Variants in RIGI observed in about 807,000 individuals in gnomAD.
The protein encoded by RIGI is antiviral innate immune response receptor RIG-I.
chr9:32,492,674 T>C, the RIGI span: 5 of 970,244 alleles, frequency 5.2e-6, no homozygotes, highest in South Asian at 4.9e-5. Context: ...GTCATATCCA[T>C]GACAATTTTT....
the RIGI span, among the ~76,000 whole-genome samples, chr9:32,520,953 C>T: frequency 6.6e-6 from 1 of 151,818 alleles, no homozygotes; most frequent in Non-Finnish European, 1.5e-5. Context: ...GGAGACCAGC[C>T]TGGCCAACAT....
At chr9:32,504,473 T>A in the RIGI span, among the ~76,000 whole-genome samples, 1 of 151,072 alleles carries the variant, frequency 6.6e-6, no homozygotes, top group African/African-American at 2.4e-5. Flanking sequence ...AGTCCAGGAG[T>A]TCGAGACTAG....
At chr9:32,511,475 A>G in the RIGI span, among the ~76,000 whole-genome samples, 1 of 152,224 alleles carries the variant, frequency 6.6e-6, no homozygotes, top group Non-Finnish European at 1.5e-5. Context: ...CCTGCTCCTG[A>G]ATGACTACAG....
the RIGI span, chr9:32,492,448 T>C: frequency 1.9e-6 from 3 of 1,614,062 alleles, no homozygotes; most frequent in African/African-American, 4.0e-5. Flanking sequence ...AAAGCAAGTT[T>C]CAAAGTTTTG....
At chr9:32,465,504 T>G in the RIGI span, among the ~76,000 whole-genome samples, 1 of 152,238 alleles carries the variant, frequency 6.6e-6, no homozygotes, top group African/African-American at 2.4e-5. Flanking sequence ...ACGTATTTTA[T>G]GCCAGGCGCT....
the RIGI span, among the ~76,000 whole-genome samples, chr9:32,483,731 C>G: frequency 8.6e-5 from 13 of 151,992 alleles, no homozygotes; most frequent in African/African-American, 2.9e-4. Flanking sequence ...CCAGCTCACA[C>G]ACTCCTCCCC....
At chr9:32,483,625 C>T in the RIGI span, among the ~76,000 whole-genome samples, 2 of 152,114 alleles carry the variant, frequency 1.3e-5, no homozygotes, top group African/African-American at 2.4e-5. Flanking sequence ...CCATACTCTA[C>T]CCAGTGGTTA....
the RIGI span, among the ~76,000 whole-genome samples, chr9:32,499,512 A>G: frequency 6.6e-6 from 1 of 151,282 alleles, no homozygotes; most frequent in African/African-American, 2.4e-5. Context: ...CTGGAGTGCA[A>G]TGGCGCAATC....
chr9:32,505,544 T>C, the RIGI span, among the ~76,000 whole-genome samples: 22 of 152,234 alleles, frequency 1.4e-4, no homozygotes, highest in Admixed American at 1.4e-3. Context: ...TTCATAGTTT[T>C]CTTCATATCA....
chr9:32,487,308 CAGTT>C, the RIGI span, among the ~76,000 whole-genome samples: 1 of 152,092 alleles, frequency 6.6e-6, no homozygotes, highest in African/African-American at 2.4e-5. Context: ...GATGAGAGCT[CAGTT>C]AGAGAGGCTA....
At chr9:32,499,316 GTTTTTTTT>G in the RIGI span, among the ~76,000 whole-genome samples, 3 of 57,652 alleles carry the variant, frequency 5.2e-5, no homozygotes, top group South Asian at 7.2e-4. Flanking sequence ...TTTGTGATTT[GTTTTTTTT>G]TTTTTTTTTT....
At chr9:32,520,839 GGCTCAGGCCGGGGC>G in the RIGI span, among the ~76,000 whole-genome samples, 1 of 32,966 alleles carries the variant, frequency 3.0e-5, no homozygotes, top group Non-Finnish European at 1.0e-4. Flanking sequence ...TGGGCGTGGT[GGCTCAGGCCGGGGC>G]TGGTGACTCA....
the RIGI span, chr9:32,457,502 A>C: frequency 1.8e-6 from 2 of 1,138,576 alleles, no homozygotes; most frequent in Non-Finnish European, 2.4e-6. Flanking sequence ...AAAAAAGAAA[A>C]CCCCACAATA....
At chr9:32,490,890 A>T in the RIGI span, among the ~76,000 whole-genome samples, 1 of 152,178 alleles carries the variant, frequency 6.6e-6, no homozygotes, top group Non-Finnish European at 1.5e-5. Context: ...GTAGCACACT[A>T]ACTTCATCAA....
At chr9:32,495,632 G>A in the RIGI span, among the ~76,000 whole-genome samples, 1 of 150,406 alleles carries the variant, frequency 6.6e-6, no homozygotes, top group African/African-American at 2.4e-5. Flanking sequence ...TATCATATTT[G>A]GATAAATGTC....
the RIGI span, among the ~76,000 whole-genome samples, chr9:32,470,823 A>G: frequency 2.0e-5 from 3 of 152,272 alleles, no homozygotes; most frequent in Non-Finnish European, 4.4e-5. Flanking sequence ...GGATCAGACC[A>G]GAAACAAATT....
chr9:32,519,825 G>GT, the RIGI span, among the ~76,000 whole-genome samples: 3 of 151,880 alleles, frequency 2.0e-5, no homozygotes, highest in Non-Finnish European at 4.4e-5. Context: ...ACTTTCTAGT[G>GT]TTTTTTTTAT....
At chr9:32,465,216 A>G in the RIGI span, among the ~76,000 whole-genome samples, 1 of 152,214 alleles carries the variant, frequency 6.6e-6, no homozygotes, top group South Asian at 2.1e-4. Flanking sequence ...TTCTCACTGA[A>G]AATGTGGAAG....
the RIGI span, chr9:32,456,491 A>G: frequency 6.6e-5 from 10 of 152,188 alleles, no homozygotes; most frequent in African/African-American, 2.2e-4. Context: ...ATGTATGTAT[A>G]TTAGTTACAT....
Sources: gnomAD v4.1 joint callset for allele counts (sites outside exome capture counted in the v4.1 genomes callset) on GRCh38, gnomAD v4.1.1 for gene constraint, MANE v1.5 for transcripts, NCBI Gene and HGNC (gene_info 2026-07-23, HGNC 2026-07-21) for gene names.